STIMATE: variants seen among roughly 807,000 people sequenced by gnomAD.
STIMATE encodes store-operated calcium entry regulator STIMATE.
A neutral mutation model predicts 36.7 loss-of-function variants in STIMATE; 15 were observed. The observed-to-expected ratio is 0.41, with a 90% CI of 0.27 to 0.63. STIMATE has a LOEUF of 0.63. Ranked by LOEUF, STIMATE falls within the 20% of genes least tolerant of loss-of-function variation. The probability of loss-of-function intolerance (pLI) is 0.32; values close to 1 mark genes in which losing one functional copy is unlikely to be tolerated. For synonymous variants in STIMATE, 163 were observed against 162.3 expected, an observed-to-expected ratio of 1.00 and a Z score of -0.03; for missense variants, 305 against 397.3, an observed-to-expected ratio of 0.77 and a Z score of 1.98.
At position 52,888,007 on chromosome 3, in the gene STIMATE, T is replaced by TTG. The variant is rs1311256375; in HGVS notation, c.160+9283_160+9284insCA. ...ATAACAGAATCAGTTTTTTTTTTTT[T>TTG]TTTTTTTTTTTTTTGCCAGTAATTG... On this transcript the variant is annotated intron_variant, in intron 1 of 7. Coordinates refer to ENST00000355083, the MANE Select transcript of STIMATE (RefSeq NM_198563.5). 3.9e-4 allele frequency among the ~76,000 whole-genome samples: 54 copies of TTG among 139,628 alleles called. 4 individuals carry two copies. In the South Asian group the frequency reaches 0.013, roughly 35 times the overall value. The allele number at this position is 139,628 out of a possible 152,430, so 91.6% of individuals were successfully genotyped here.
chr3:52,893,752 T>C (rs557586960), intron 1 of STIMATE, among the ~76,000 whole-genome samples: 6 of 152,356 alleles, frequency 3.9e-5, no homozygotes, highest in South Asian at 2.1e-4. Flanking sequence ...CTAGGCCCCA[T>C]GTCTATAACA....
intron 1 of STIMATE, among the ~76,000 whole-genome samples, chr3:52,892,134 C>G (rs76643052): frequency 2.0e-5 from 3 of 152,186 alleles, no homozygotes; most frequent in African/African-American, 7.2e-5. Context: ...AATATACTAA[C>G]TGCAAAAGAC....
intron 1 of STIMATE, among the ~76,000 whole-genome samples, chr3:52,887,413 C>T (rs1396981567): frequency 6.6e-6 from 1 of 152,200 alleles, no homozygotes; most frequent in African/African-American, 2.4e-5. Context: ...CTATTCTGTA[C>T]CACACAGACT....
At chr3:52,851,659 A>ACACTT (rs1701000807) in intron 3 of STIMATE, among the ~76,000 whole-genome samples, 1 of 26,600 alleles carries the variant, frequency 3.8e-5, no homozygotes, top group South Asian at 6.3e-4. Context: ...CTGCTCTCAG[A>ACACTT]TACTTTGTGT....
intron 1 of STIMATE, among the ~76,000 whole-genome samples, chr3:52,872,968 A>G (rs1238469961): frequency 2.0e-5 from 3 of 152,230 alleles, no homozygotes; most frequent in African/African-American, 7.2e-5. Context: ...AATCTGGTCT[A>G]AGTGCTCATG....
chr3:52,896,062 T>G (rs1443963305), intron 1 of STIMATE: 2 of 671,396 alleles, frequency 3.0e-6, no homozygotes, highest in African/African-American at 3.7e-5. Flanking sequence ...CTTATAAGAC[T>G]TATCAAGGAC....
chr3:52,849,625 A>T (rs1263672890), intron 4 of STIMATE, among the ~76,000 whole-genome samples, 167 bp downstream of exon 4: 1 of 58,922 alleles, frequency 1.7e-5, no homozygotes, highest in Non-Finnish European at 5.0e-5. Context: ...ACCCACACCC[A>T]CAGGAGGGTG....
At chr3:52,843,836 C>A in intron 5 of STIMATE, 38 bp from the exon 6 acceptor site, 2 of 1,611,942 alleles carry the variant, frequency 1.2e-6, no homozygotes, top group South Asian at 1.1e-5. Flanking sequence ...TAGGGAGAGG[C>A]CACCGAGAGT....
At position 52,897,406 on chromosome 3, in the gene STIMATE, C is replaced by G; in HGVS notation, c.45G>C (p.Gly15=). The change falls in exon 1 of 8, where the codon GGG becomes GGC. Residue 15 remains glycine, a synonymous_variant. Coordinates refer to ENST00000355083, the MANE Select transcript of STIMATE (RefSeq NM_198563.5). ...AGNASRGLPG[G]PPSTVASGAG... ...CCCCGGACGCGACTGTGGAGGGCGG[C>G]CCGCCTGGCAGTCCCCGGCTCGCGT... 3.4e-6 allele frequency: 5 copies of G among 1,479,464 alleles called. No homozygotes were observed. The allele number at this position is 1,479,464 out of a possible 1,614,324, so 91.6% of individuals were successfully genotyped here.
intron 3 of STIMATE, among the ~76,000 whole-genome samples, chr3:52,850,230 A>G (rs1700973999): frequency 6.6e-6 from 1 of 152,168 alleles, no homozygotes; most frequent in South Asian, 2.1e-4. Context: ...CAGGAGATAG[A>G]CACCACCCTG....
chr3:52,867,412 T>C (rs1008566026), intron 1 of STIMATE, among the ~76,000 whole-genome samples: 3 of 152,214 alleles, frequency 2.0e-5, no homozygotes, highest in Non-Finnish European at 4.4e-5. Context: ...CCTCAGTGCA[T>C]GAGCAGGTTT....
intron 1 of STIMATE, among the ~76,000 whole-genome samples, chr3:52,890,109 A>T (rs1553631581): frequency 6.6e-6 from 1 of 151,938 alleles, no homozygotes; most frequent in Non-Finnish European, 1.5e-5. Context: ...CCCAGGCGGA[A>T]CCCCTCATTC....
At chr3:52,879,747 T>C (rs1399878330) in intron 1 of STIMATE, among the ~76,000 whole-genome samples, 1 of 152,188 alleles carries the variant, frequency 6.6e-6, no homozygotes, top group African/African-American at 2.4e-5. Flanking sequence ...AAAGGCACCA[T>C]GAAATTAAGT....
intron 4 of STIMATE, among the ~76,000 whole-genome samples, chr3:52,845,648 A>G (rs1700881752): frequency 6.6e-6 from 1 of 152,228 alleles, no homozygotes; most frequent in Non-Finnish European, 1.5e-5. Context: ...TTCAGTCACC[A>G]TGCTTGAGAA....
At chr3:52,887,557 G>A (rs1238695067) in intron 1 of STIMATE, among the ~76,000 whole-genome samples, 1 of 152,224 alleles carries the variant, frequency 6.6e-6, no homozygotes, top group African/African-American at 2.4e-5. Flanking sequence ...CACCACAGCA[G>A]CTACAGCCAA....
chr3:52,857,057 C>G (rs1322188886), intron 1 of STIMATE, among the ~76,000 whole-genome samples: 1 of 152,196 alleles, frequency 6.6e-6, no homozygotes, highest in Non-Finnish European at 1.5e-5. Context: ...CTGGCAGAGT[C>G]CTGAGCTGCC....
chr3:52,887,468 C>T (rs1217962546), intron 1 of STIMATE, among the ~76,000 whole-genome samples: 1 of 152,168 alleles, frequency 6.6e-6, no homozygotes, highest in Non-Finnish European at 1.5e-5. Context: ...AAGATGGGGG[C>T]AGTAGGCTCA....
intron 3 of STIMATE, 121 bp from the exon 4 acceptor site, chr3:52,850,034 G>A: frequency 7.0e-7 from 1 of 1,427,064 alleles, no homozygotes; most frequent in South Asian, 1.5e-5. Context: ...CATTCTGGGG[G>A]CTGGGAGCCC....
intron 7 of STIMATE, 48 bp from the exon 8 acceptor site, chr3:52,840,658 C>A: frequency 4.6e-6 from 7 of 1,522,972 alleles, no homozygotes; most frequent in South Asian, 1.2e-5. Context: ...GCAGGGCCTT[C>A]TTCATTTGCC....
Sources: allele counts gnomAD v4.1 joint callset (sites outside exome capture counted in the v4.1 genomes callset), GRCh38; gene constraint gnomAD v4.1.1; transcripts MANE v1.5; gene names NCBI Gene and HGNC (gene_info 2026-07-23, HGNC 2026-07-21).